Variants in PRRX1 observed in about 807,000 individuals in gnomAD.
PRRX1 encodes the protein paired mesoderm homeobox protein 1.
A neutral mutation model predicts 24.0 loss-of-function variants in PRRX1; 8 were observed. The observed-to-expected ratio is 0.33, with a 90% CI of 0.20 to 0.60. The LOEUF (loss-of-function observed/expected upper bound fraction) is 0.60, where lower values mean the gene tolerates loss of function less well. PRRX1 is among the 20% of genes least tolerant of loss of function. The pLI, the probability that PRRX1 is intolerant of heterozygous loss-of-function variation, is 0.82. For synonymous variants in PRRX1, 160 were observed against 131.7 expected, an observed-to-expected ratio of 1.22 and a Z score of -1.47; for missense variants, 281 against 322.4, an observed-to-expected ratio of 0.87 and a Z score of 0.98.
intron 1 of PRRX1, among the ~76,000 whole-genome samples, chr1:170,666,424 A>AAAAAAAAC: frequency 6.6e-6 from 1 of 151,364 alleles, no homozygotes; most frequent in Admixed American, 6.6e-5. Context: ...TCTCAAAAAA[A>AAAAAAAAC]AAAAAAAAAA....
chr1:170,726,456 G>C, intron 3 of PRRX1, 55 bp downstream of exon 3: 1 of 1,580,904 alleles, frequency 6.3e-7, no homozygotes, highest in Non-Finnish European at 8.7e-7. Context: ...CTCAGCGGTC[G>C]GTCATGTTTC....
At chr1:170,702,522 C>T (rs1185525103) in intron 1 of PRRX1, among the ~76,000 whole-genome samples, 8 of 152,114 alleles carry the variant, frequency 5.3e-5, no homozygotes, top group African/African-American at 1.2e-4. Context: ...AAAGCAGATC[C>T]ATATCTCTGT....
chr1:170,719,940 C>A, intron 2 of PRRX1, 39 bp downstream of exon 2: 1 of 1,608,268 alleles, frequency 6.2e-7, no homozygotes, highest in South Asian at 1.1e-5. Flanking sequence ...AAGTAGTACC[C>A]TCCTCAGAGG....
chr1:170,704,362 T>C (rs1001149716), intron 1 of PRRX1, among the ~76,000 whole-genome samples: 3 of 152,210 alleles, frequency 2.0e-5, no homozygotes, highest in Non-Finnish European at 2.9e-5. Flanking sequence ...GTGGGGGACA[T>C]AGATTTCTAC....
chr1:170,717,237 C>T (rs914219297), intron 1 of PRRX1, among the ~76,000 whole-genome samples: 2 of 152,198 alleles, frequency 1.3e-5, no homozygotes, highest in Non-Finnish European at 2.9e-5. Flanking sequence ...CTGTCATAAA[C>T]TATAATTCTC....
intron 3 of PRRX1, chr1:170,726,603 G>T: frequency 1.7e-6 from 1 of 594,908 alleles, no homozygotes; most frequent in Non-Finnish European, 2.9e-6. Context: ...AGTGAGAGGG[G>T]CAGGCTATCT....
chr1:170,682,676 A>AGGTTCT (rs1344302946), intron 1 of PRRX1, among the ~76,000 whole-genome samples: 1 of 152,156 alleles, frequency 6.6e-6, no homozygotes, highest in African/African-American at 2.4e-5. Flanking sequence ...TCATTATGCT[A>AGGTTCT]GGTTCTGGGA....
chr1:170,676,537 A>G (rs1362052093), intron 1 of PRRX1, among the ~76,000 whole-genome samples: 1 of 152,144 alleles, frequency 6.6e-6, no homozygotes, highest in African/African-American at 2.4e-5. Context: ...ACTTTGTCAT[A>G]AAGAATTAAT....
intron 1 of PRRX1, among the ~76,000 whole-genome samples, chr1:170,666,020 G>A (rs549567052): frequency 6.6e-6 from 1 of 152,264 alleles, no homozygotes; most frequent in African/African-American, 2.4e-5. Context: ...GGCTGCACCC[G>A]CAGCATTACT....
At chr1:170,723,035 T>C (rs1294670850) in intron 2 of PRRX1, among the ~76,000 whole-genome samples, 1 of 152,196 alleles carries the variant, frequency 6.6e-6, no homozygotes, top group Admixed American at 6.5e-5. Context: ...TGAACAGCCT[T>C]AGTTCTATGG....
intron 1 of PRRX1, among the ~76,000 whole-genome samples, chr1:170,703,493 A>G (rs1241510196): frequency 6.6e-6 from 1 of 152,214 alleles, no homozygotes; most frequent in Non-Finnish European, 1.5e-5. Context: ...GGTAAATCAT[A>G]TTGACTTGAC....
chr1:170,696,185 A>G (rs542969349), intron 1 of PRRX1, among the ~76,000 whole-genome samples: 15 of 151,746 alleles, frequency 9.9e-5, no homozygotes, highest in African/African-American at 3.7e-4. Context: ...ATATGGCAGT[A>G]GGACAAGCCA....
At chr1:170,711,714 A>G (rs1654759339) in intron 1 of PRRX1, among the ~76,000 whole-genome samples, 1 of 152,184 alleles carries the variant, frequency 6.6e-6, no homozygotes, top group Non-Finnish European at 1.5e-5. Context: ...CTCAGTGCAA[A>G]GGGAAAAAAA....
chr1:170,723,789 C>A (rs890636223), intron 2 of PRRX1, among the ~76,000 whole-genome samples: 1 of 152,160 alleles, frequency 6.6e-6, no homozygotes, highest in Admixed American at 6.5e-5. Flanking sequence ...TAGGGTATAG[C>A]TTATTGCTCT....
intron 1 of PRRX1, chr1:170,667,554 C>T (rs1571309812): frequency 2.6e-5 from 4 of 152,222 alleles, no homozygotes; most frequent in Admixed American, 2.6e-4. Flanking sequence ...ACTTGGAAGT[C>T]AGGACAGCTG....
chr1:170,733,629 A>G (rs1234749680), intron 3 of PRRX1, among the ~76,000 whole-genome samples: 1 of 152,140 alleles, frequency 6.6e-6, no homozygotes, highest in East Asian at 1.9e-4. Flanking sequence ...TGTGTTTACA[A>G]TTTCACTAAT....
intron 3 of PRRX1, among the ~76,000 whole-genome samples, chr1:170,731,053 C>T (rs944137795): frequency 2.0e-5 from 3 of 152,072 alleles, no homozygotes; most frequent in Non-Finnish European, 4.4e-5. Context: ...GATAAATATA[C>T]GTATTAGAAA....
At chr1:170,722,170 T>C (rs889394591) in intron 2 of PRRX1, among the ~76,000 whole-genome samples, 2 of 152,142 alleles carry the variant, frequency 1.3e-5, no homozygotes, top group Non-Finnish European at 2.9e-5. Flanking sequence ...ATGACTTCAT[T>C]CTTCCCCCAT....
chr1:170,690,006 A>C (rs923955017), intron 1 of PRRX1, among the ~76,000 whole-genome samples: 1 of 151,692 alleles, frequency 6.6e-6, no homozygotes, highest in African/African-American at 2.4e-5. Context: ...TGTATGAAAC[A>C]CTTCTCAACA....
Sources: gnomAD v4.1 joint callset for allele counts (sites outside exome capture counted in the v4.1 genomes callset) on GRCh38, gnomAD v4.1.1 for gene constraint, MANE v1.5 for transcripts, NCBI Gene and HGNC (gene_info 2026-07-23, HGNC 2026-07-21) for gene names.